PSMC3: variants seen among roughly 807,000 people sequenced by gnomAD.
PSMC3 encodes the protein proteasome 26S subunit, ATPase 3, also known as 26S proteasome regulatory subunit 6A.
A neutral mutation model predicts 52.0 loss-of-function variants in PSMC3; 11 were observed. The ratio of observed to expected loss-of-function variants is 0.21; its 90% confidence interval spans 0.13 to 0.35. The LOEUF (loss-of-function observed/expected upper bound fraction) is 0.35. Ranked by LOEUF, PSMC3 falls within the 10% of genes least tolerant of loss-of-function variation. The pLI, the probability that PSMC3 is intolerant of heterozygous loss-of-function variation, is 1.00. For missense variants in PSMC3, 238 were observed against 567.1 expected (o/e 0.42, Z 5.89); for synonymous variants, 201 against 218.8 (o/e 0.92, Z 0.72).
intron 10 of PSMC3, 56 bp from the exon 11 acceptor site, chr11:47,419,253 GC>G: frequency 6.3e-7 from 1 of 1,577,488 alleles, no homozygotes. Flanking sequence ...GGGCAGAGGG[GC>G]CAAATATCCT....
chr11:47,426,107 C>T (rs746275921), intron 1 of PSMC3, 98 bp downstream of exon 1: 7 of 1,449,432 alleles, frequency 4.8e-6, no homozygotes, highest in African/African-American at 1.4e-5. Context: ...TCCCCGGGAT[C>T]GGGCCAGACC....
At position 47,420,156 on chromosome 11, in the gene PSMC3, G is replaced by C. The variant is rs151325747; in HGVS notation, c.1127+108C>G. 1,200 of 1,330,936 alleles carry C rather than the reference G, an allele frequency of 9.0e-4. 21 individuals carry two copies. The East Asian group carries it at 0.028, about 31-fold the overall frequency. 82.4% of individuals were successfully genotyped at this position (1,330,936 alleles called of 1,614,324 possible). ...ACGGTGCTGTGTGTGCCTGGGGCCT[G>C]GGAGGTGGTGGTCGTGGAGGCTGGG... On this transcript the variant is annotated intron_variant, in intron 10 of 11. Transcript: ENST00000298852.
At chr11:47,423,496 C>T (rs1016299296) in intron 6 of PSMC3, among the ~76,000 whole-genome samples, 34 of 150,812 alleles carry the variant, frequency 2.3e-4, no homozygotes, top group Non-Finnish European at 4.3e-4. Flanking sequence ...GAAAAGACAC[C>T]GGGCCAGGGG....
chr11:47,425,102 C>T lies in PSMC3; in HGVS notation c.285+19G>A, dbSNP rs770732767. ...ATTCCCTGCTGACTCCCTCTCTTCCCCTCCACATACACACACACCTCGATG... is the reference window on the plus strand; with the variant it reads ...ATTCCCTGCTGACTCCCTCTCTTCCTCTCCACATACACACACACCTCGATG... On this transcript the variant is annotated intron_variant, in intron 3 of 11. Transcript: ENST00000298852. 6 of 1,613,884 alleles carry T rather than the reference C, an allele frequency of 3.7e-6. 1 individual carries two copies. The highest frequency in any genetic ancestry group is 1.6e-4 in the Middle Eastern group (1 of 6,084).
intron 1 of PSMC3, 115 bp downstream of exon 1, chr11:47,426,090 A>C: frequency 2.8e-6 from 4 of 1,422,076 alleles, no homozygotes; most frequent in Non-Finnish European, 3.9e-6. Context: ...CATCCCAAAC[A>C]ACCCCGTCCC....
Position 47,426,295 on chromosome 11 carries a change from G to A in PSMC3, c.-16C>T. On this transcript the variant is annotated 5_prime_UTR_variant, in exon 1 of 12. Coordinates refer to ENST00000298852, the MANE Select transcript of PSMC3 (RefSeq NM_002804.5). ...GCAGATTCATTTCCTGGAGGAGCGG[G>A]CAGAAGATGGGACCAGGCGGGAGCC... The A allele has an allele frequency of 6.5e-7, 1 of 1,548,496 alleles. No homozygotes were observed. Among genetic ancestry groups the A allele is most frequent in the East Asian group, 2.4e-5 (1 of 40,974 alleles).
At chr11:47,425,022 G>A (rs1302518257) in intron 3 of PSMC3, 99 bp downstream of exon 3, 1 of 1,527,868 alleles carries the variant, frequency 6.5e-7, no homozygotes, top group East Asian at 2.3e-5. Context: ...CATGCAGTTT[G>A]GCCTCAATAC....
chr11:47,422,653 G>A lies in PSMC3; in HGVS notation c.805C>T (p.Arg269Trp), dbSNP rs762357303. 5.0e-6 allele frequency: 8 copies of A among 1,614,112 alleles called. No homozygotes were observed. The highest frequency in any genetic ancestry group is 6.8e-6 in the Non-Finnish European group (8 of 1,180,012). ...TCCTTGGCCAGGGCAAAGGCATCCC[G>A]GACTAGCTTGGCACCATCTCCAATG... ...MFIGDGAKLV[R>W]DAFALAKEKA... Residue 269 changes from arginine to tryptophan, a missense_variant, in exon 8 of 12, where the codon CGG becomes TGG. Transcript: ENST00000298852. The surrounding 1 kb of genome is among the most constrained non-coding windows in gnomAD (Gnocchi z 4.3).
intron 1 of PSMC3, 43 bp downstream of exon 1, chr11:47,426,162 T>G (rs2096046177): frequency 6.5e-7 from 1 of 1,536,878 alleles, no homozygotes; most frequent in Non-Finnish European, 8.8e-7. Flanking sequence ...GGCGTCTCCC[T>G]GCGGGCCCCG....
Position 47,424,983 on chromosome 11 carries a change from T to A in PSMC3, c.285+138A>T. ...GACTTTGCAGGCCCCGTCTTCCCCATGAAAGTGCCCCAGGAGGTGTAGCTC... is the reference window on the plus strand; with the variant it reads ...GACTTTGCAGGCCCCGTCTTCCCCAAGAAAGTGCCCCAGGAGGTGTAGCTC... On this transcript the variant is annotated intron_variant, in intron 3 of 11. Transcript: ENST00000298852. This position sits in a 1 kb window ranked among gnomAD's most constrained non-coding sequence, Gnocchi z 4.8. The A allele has an allele frequency of 7.6e-7, 1 of 1,323,330 alleles. No homozygotes were observed. Among genetic ancestry groups the A allele is most frequent in the Non-Finnish European group, 1.0e-6 (1 of 953,748 alleles). The allele number at this position is 1,323,330 out of a possible 1,614,324, so 82.0% of individuals were successfully genotyped here.
At chr11:47,423,012 G>A (rs199570368) in intron 6 of PSMC3, 39 bp from the exon 7 acceptor site, 1 of 1,570,542 alleles carries the variant, frequency 6.4e-7, no homozygotes, top group East Asian at 2.2e-5. Flanking sequence ...ATGAAGCCCT[G>A]AGGGCTTCTA....
In PSMC3 at chr11:47,424,265, G is replaced by A; in HGVS notation, c.454-82C>T. ...ACTGGGTGACAGGTGTCTGCAGAGGGAAAGACACAGGACTGGGCAATACAA... is the reference window on the plus strand; with the variant it reads ...ACTGGGTGACAGGTGTCTGCAGAGGAAAAGACACAGGACTGGGCAATACAA... On this transcript the variant is annotated intron_variant, in intron 5 of 11. Coordinates refer to ENST00000298852, the MANE Select transcript of PSMC3 (RefSeq NM_002804.5). This position sits in a 1 kb window ranked among gnomAD's most constrained non-coding sequence, Gnocchi z 4.8. The A allele has an allele frequency of 6.3e-7, 1 of 1,589,828 alleles. No individual in the cohort carries two copies.
In PSMC3 at chr11:47,424,643, C is replaced by A. The variant is rs762341488; in HGVS notation, c.354G>T (p.Lys118Asn). ...AGGTTTTGATCACAGCACACTTGCCCTTCCTCTGGGAGTCCAGGTCAATAT... is the reference window on the plus strand; with the variant it reads ...AGGTTTTGATCACAGCACACTTGCCATTCCTCTGGGAGTCCAGGTCAATAT... ...GANIDLDSQR[K>N]GKCAVIKTST... Residue 118 changes from lysine (K) to asparagine (N), a missense_variant, in exon 4 of 12, where the codon AAG becomes AAT. Around this residue, in one of 6 missense-constraint regions of PSMC3, gnomAD observed 21 missense variants for 95.6 expected, o/e 0.22. Transcript: ENST00000298852. The surrounding 1 kb of genome is among the most constrained non-coding windows in gnomAD (Gnocchi z 4.8). The A allele has an allele frequency of 6.2e-7, 1 of 1,613,954 alleles. No homozygotes were observed. Among genetic ancestry groups the A allele is most frequent in the Non-Finnish European group, 8.5e-7 (1 of 1,179,898 alleles).
intron 11 of PSMC3, 68 bp downstream of exon 11, chr11:47,419,048 C>A (rs920244597): frequency 5.6e-6 from 9 of 1,608,406 alleles, no homozygotes; most frequent in Middle Eastern, 1.7e-4. Flanking sequence ...CAGCCAAATG[C>A]CCCCATCCTG....
At position 47,422,383 on chromosome 11, in the gene PSMC3, A is replaced by G. The variant is rs1351113086; in HGVS notation, c.884+191T>C. Among the ~76,000 whole-genome samples, 1 of 152,162 alleles carries G rather than the reference A, an allele frequency of 6.6e-6. No individual in the cohort carries two copies. The highest frequency in any genetic ancestry group is 2.4e-5 in the African/African-American group (1 of 41,444). On this transcript the variant is annotated intron_variant, in intron 8 of 11. Coordinates refer to ENST00000298852, the MANE Select transcript of PSMC3 (RefSeq NM_002804.5). This position sits in a 1 kb window ranked among gnomAD's most constrained non-coding sequence, Gnocchi z 4.3. ...AAGGAACATGCTGGCAGCTGTGGGA[A>G]TGAATGGCTGGGGAAACAGGGAGGC...
chr11:47,420,156 G>A, intron 10 of PSMC3, 108 bp downstream of exon 10: 3 of 1,330,940 alleles, frequency 2.3e-6, no homozygotes, highest in South Asian at 1.2e-5. Flanking sequence ...CCTGGGGCCT[G>A]GGAGGTGGTG....
At chr11:47,425,096 T>G in intron 3 of PSMC3, 25 bp downstream of exon 3, 1 of 1,613,870 alleles carries the variant, frequency 6.2e-7, no homozygotes, top group Non-Finnish European at 8.5e-7. Context: ...TGACTCCCTC[T>G]CTTCCCCTCC....
intron 3 of PSMC3, 112 bp downstream of exon 3, chr11:47,425,009 T>G: frequency 6.7e-7 from 1 of 1,482,730 alleles, no homozygotes; most frequent in Non-Finnish European, 9.3e-7. Context: ...GGTGTAGCTC[T>G]GACATGCAGT....
chr11:47,423,115 CA>C (rs777653686), intron 6 of PSMC3, 142 bp from the exon 7 acceptor site: 10 of 936,236 alleles, frequency 1.1e-5, no homozygotes, highest in Non-Finnish European at 1.6e-5. Context: ...CAAGAGGACA[CA>C]AGGCTGGGCG....
Sources: allele counts gnomAD v4.1 joint callset (sites outside exome capture counted in the v4.1 genomes callset), GRCh38; gene constraint gnomAD v4.1.1; regional missense constraint gnomAD v4.1.1; non-coding constraint Gnocchi (gnomAD v3.1); transcripts MANE v1.5; gene names NCBI Gene and HGNC (gene_info 2026-07-23, HGNC 2026-07-21).